Variants in TTC28 observed in about 807,000 individuals in gnomAD.
TTC28 encodes the protein tetratricopeptide repeat protein 28.
In TTC28, 61 loss-of-function variants were observed where a neutral mutation model predicts 198.0. The ratio of observed to expected loss-of-function variants is 0.31; its 90% CI spans 0.25 to 0.38. TTC28 has a LOEUF of 0.38. Among genes scored for constraint, TTC28 ranks in the 10% least tolerant of loss-of-function variants. TTC28 has a pLI of 1.00. For missense variants in TTC28, 2,678 were observed against 3,164.0 expected (o/e 0.85, Z 3.69); for synonymous variants, 1,171 against 1,297.8 (o/e 0.90, Z 2.10).
At chr22:28,455,142 T>C (rs2146262848) in intron 2 of TTC28, among the ~76,000 whole-genome samples, 1 of 152,308 alleles carries the variant, frequency 6.6e-6, no homozygotes, top group African/African-American at 2.4e-5. Flanking sequence ...ACAATATTCA[T>C]ACCACCTATA....
At chr22:28,540,007 C>T (rs1002843739) in intron 2 of TTC28, among the ~76,000 whole-genome samples, 4 of 146,260 alleles carry the variant, frequency 2.7e-5, no homozygotes, top group South Asian at 4.4e-4. Flanking sequence ...TGCAGTGGCA[C>T]GATCTCGGCT....
chr22:28,258,932 T>TGTCC (rs1431263651), intron 5 of TTC28, among the ~76,000 whole-genome samples: 10 of 150,826 alleles, frequency 6.6e-5, no homozygotes, highest in Admixed American at 4.0e-4. Context: ...TGTGTGTGTG[T>TGTCC]CCTACAACCT....
intron 2 of TTC28, among the ~76,000 whole-genome samples, chr22:28,549,385 G>A (rs906054376): frequency 3.3e-5 from 5 of 152,116 alleles, no homozygotes; most frequent in Admixed American, 1.3e-4. Context: ...CTGGTTTTCT[G>A]TATATTCATC....
chr22:28,071,501 A>G (rs370911239), intron 12 of TTC28, among the ~76,000 whole-genome samples: 1 of 147,158 alleles, frequency 6.8e-6, no homozygotes, highest in South Asian at 2.2e-4. Flanking sequence ...CAAACACCGC[A>G]TATTCTCACT....
intron 4 of TTC28, among the ~76,000 whole-genome samples, chr22:28,296,616 C>T (rs2044901456): frequency 6.6e-6 from 1 of 152,200 alleles, no homozygotes; most frequent in Non-Finnish European, 1.5e-5. Context: ...CACAAACTAG[C>T]TGCTGTTTGA....
At chr22:28,408,486 G>C (rs1381626740) in intron 2 of TTC28, among the ~76,000 whole-genome samples, 1 of 152,120 alleles carries the variant, frequency 6.6e-6, no homozygotes, top group Non-Finnish European at 1.5e-5. Flanking sequence ...TGCTGCGCAG[G>C]TTCAAGCAAT....
Position 28,629,681 on chromosome 22 carries a change from G to A in TTC28, c.252C>T (p.Ala84=), listed in dbSNP as rs1394083757. The A allele has an allele frequency of 4.5e-6, 7 of 1,551,528 alleles. No individual in the cohort carries two copies. Among genetic ancestry groups the A allele is most frequent in the Non-Finnish European group, 6.1e-6 (7 of 1,146,968 alleles). ...TGCAGTTCTGAGGGTCAACAGCCAGGGCTTCATTATACAGAACAATAGCTG... is the reference window on the plus strand; with the variant it reads ...TGCAGTTCTGAGGGTCAACAGCCAGAGCTTCATTATACAGAACAATAGCTG... ...FHTAIVLYNE[A]LAVDPQNCIL... The change falls in exon 2 of 23, where the codon GCC becomes GCT. Residue 84 remains alanine (A), a synonymous_variant. Coordinates refer to ENST00000397906, the MANE Select transcript of TTC28 (RefSeq NM_001145418.2).
At chr22:28,507,430 T>C in intron 2 of TTC28, among the ~76,000 whole-genome samples, 1 of 152,226 alleles carries the variant, frequency 6.6e-6, no homozygotes, top group Non-Finnish European at 1.5e-5. Context: ...AACCTATGAC[T>C]GACTGGGGTT....
chr22:28,282,754 T>C (rs1432781219), intron 5 of TTC28, among the ~76,000 whole-genome samples: 2 of 152,126 alleles, frequency 1.3e-5, no homozygotes, highest in Non-Finnish European at 2.9e-5. Context: ...CTACTCTACA[T>C]ATGAAGAGAC....
intron 5 of TTC28, among the ~76,000 whole-genome samples, chr22:28,167,480 C>T (rs931262649): frequency 2.0e-5 from 3 of 152,178 alleles, no homozygotes; most frequent in South Asian, 4.1e-4. Flanking sequence ...ACCACGATCA[C>T]GTGGACTTCA....
chr22:28,138,377 T>G (rs991005333), intron 6 of TTC28, among the ~76,000 whole-genome samples: 1 of 152,112 alleles, frequency 6.6e-6, no homozygotes. Context: ...CCAATAAATC[T>G]CTTTCTGTCA....
Position 27,982,307 on chromosome 22 carries a change from C to A in TTC28, c.7360G>T (p.Ala2454Ser). 1 of 1,523,000 alleles carries A rather than the reference C, an allele frequency of 6.6e-7. No homozygotes were observed. The highest frequency in any genetic ancestry group is 2.5e-5 in the East Asian group (1 of 40,596). 94.3% of individuals were successfully genotyped at this position (1,523,000 alleles called of 1,614,324 possible). ...GGAAGCCTCAAAGGGCGCGCGGGGG[C>A]TGTGGCGGGAGGGCCGGCGGGCAGC... Reference protein sequence around the residue: ...LPLPAGPPATAPARPLRLPSG... With the variant: ...LPLPAGPPATSPARPLRLPSG... The change falls in exon 23 of 23, where the codon GCC becomes TCC. Residue 2454 changes from alanine (A) to serine (S), a missense_variant. Transcript: ENST00000397906. The surrounding 1 kb of genome is among the most constrained non-coding windows in gnomAD (Gnocchi z 5.2).
chr22:28,495,528 T>C (rs930030660), intron 2 of TTC28, among the ~76,000 whole-genome samples: 1 of 152,210 alleles, frequency 6.6e-6, no homozygotes, highest in Non-Finnish European at 1.5e-5. Context: ...TACAAGGTTT[T>C]AAAGTTTTTC....
At chr22:28,012,712 A>G (rs975795607) in intron 14 of TTC28, among the ~76,000 whole-genome samples, 4 of 151,996 alleles carry the variant, frequency 2.6e-5, no homozygotes, top group Non-Finnish European at 5.9e-5. Flanking sequence ...AGGTCTCACT[A>G]TGTTGCCCAG....
At chr22:28,540,530 T>C (rs1442903132) in intron 2 of TTC28, among the ~76,000 whole-genome samples, 1 of 152,170 alleles carries the variant, frequency 6.6e-6, no homozygotes, top group East Asian at 1.9e-4. Context: ...CATAAAACAC[T>C]GTTAGAGTAT....
chr22:28,137,999 G>C (rs957251086), intron 6 of TTC28, among the ~76,000 whole-genome samples: 7 of 151,994 alleles, frequency 4.6e-5, no homozygotes, highest in African/African-American at 1.7e-4. Flanking sequence ...TGGGTGACAA[G>C]AGCGAAACTC....
At chr22:28,112,908 TG>T (rs1942525781) in intron 6 of TTC28, among the ~76,000 whole-genome samples, 2 of 152,034 alleles carry the variant, frequency 1.3e-5, no homozygotes, top group Non-Finnish European at 2.9e-5. Context: ...AAAGGACACA[TG>T]GTTATGAATT....
chr22:28,323,412 T>G (rs1419663665), intron 2 of TTC28, among the ~76,000 whole-genome samples: 4 of 152,290 alleles, frequency 2.6e-5, no homozygotes, highest in Non-Finnish European at 2.9e-5. Flanking sequence ...TCAGATAAAT[T>G]TAATAAAGGG....
At chr22:28,205,228 C>CG (rs953943741) in intron 5 of TTC28, among the ~76,000 whole-genome samples, 19 of 151,872 alleles carry the variant, frequency 1.3e-4, no homozygotes, top group African/African-American at 4.1e-4. Flanking sequence ...ACACAGAGAC[C>CG]GGGGGGAGAG....
Sources: allele counts gnomAD v4.1 joint callset (sites outside exome capture counted in the v4.1 genomes callset), GRCh38; gene constraint gnomAD v4.1.1; non-coding constraint Gnocchi (gnomAD v3.1); transcripts MANE v1.5; gene names NCBI Gene and HGNC (gene_info 2026-07-23, HGNC 2026-07-21).